Variants in PKD1L1 observed in about 807,000 individuals in gnomAD.
PKD1L1 encodes the protein polycystin-1-like protein 1.
A neutral mutation model predicts 323.4 loss-of-function variants in PKD1L1; 236 were observed. The ratio of observed to expected loss-of-function variants is 0.73; its 90% CI spans 0.66 to 0.81. The LOEUF is 0.81. Among genes scored for constraint, PKD1L1 ranks in the 40% least tolerant of loss-of-function variants. PKD1L1 has a pLI of 0.00. For synonymous variants in PKD1L1, 1,344 were observed against 1,335.0 expected (o/e 1.01, Z -0.15); for missense variants, 3,320 against 3,508.0 (o/e 0.95, Z 1.35).
rs1177055370 is a variant in PKD1L1, at chr7:47,864,633, TTTCC to T, written c.4149+579_4149+582del. 5.4e-3 allele frequency among the ~76,000 whole-genome samples: 620 copies of T among 114,714 alleles called. 8 individuals carry two copies. The highest frequency in any genetic ancestry group is 0.019 in the African/African-American group (526 of 28,178). The allele number at this position is 114,714 out of a possible 152,430, so 75.3% of individuals were successfully genotyped here. A position where few individuals can be genotyped will look rare whatever the true frequency, so the allele number is the denominator to read the frequency against. ...CTTTCTTTCTTTCTTTCTTTCTTTC[TTTCC>T]TTCCTTCCTTCCTTCCTCCCTCTCT... On this transcript the variant is annotated intron_variant, in intron 26 of 56. Transcript: ENST00000289672.
intron 26 of PKD1L1, among the ~76,000 whole-genome samples, chr7:47,861,361 C>A (rs371103714): frequency 2.0e-5 from 3 of 152,202 alleles, no homozygotes; most frequent in African/African-American, 7.2e-5. Flanking sequence ...TGCCTTCAGA[C>A]CTTTGTGAAG....
chr7:47,906,034 T>A, intron 9 of PKD1L1, 72 bp from the exon 10 acceptor site: 1 of 1,344,920 alleles, frequency 7.4e-7, no homozygotes, highest in Non-Finnish European at 9.9e-7. Context: ...CAACACACAG[T>A]CAGTATTTTT....
At chr7:47,955,717 T>C in the PKD1L1 span, among the ~76,000 whole-genome samples, 23 of 152,344 alleles carry the variant, frequency 1.5e-4, no homozygotes, top group Non-Finnish European at 2.6e-4. Context: ...TTGTGTAAAT[T>C]CCTATAAGTA....
intron 15 of PKD1L1, among the ~76,000 whole-genome samples, chr7:47,891,322 A>G (rs1254493412): frequency 6.6e-6 from 1 of 152,138 alleles, no homozygotes; most frequent in Non-Finnish European, 1.5e-5. Flanking sequence ...GCCACACCCA[A>G]CAAGATAAAC....
chr7:47,808,125 T>C (rs1368599692), intron 52 of PKD1L1, 122 bp downstream of exon 52: 2 of 1,260,684 alleles, frequency 1.6e-6, no homozygotes, highest in Admixed American at 2.2e-5. Context: ...GCTCAGAGCA[T>C]CATCTCTCGA....
chr7:47,864,556 CTTCT>C (rs555116730), intron 26 of PKD1L1, among the ~76,000 whole-genome samples: 100 of 151,070 alleles, frequency 6.6e-4, no homozygotes, highest in Middle Eastern at 3.4e-3. Context: ...TCCTTTCTTC[CTTCT>C]TTTTCTTTTT....
In PKD1L1 at chr7:47,812,052, C is replaced by G. The variant is rs1334810051; in HGVS notation, c.7347-1G>C. On this transcript the variant is annotated splice_acceptor_variant, in intron 49 of 56. Coordinates refer to ENST00000289672, the MANE Select transcript of PKD1L1 (RefSeq NM_138295.5). LOFTEE classifies it high-confidence loss of function. ...GGACAGGGCTGTGTGGGCTTCAGTC[C>G]TGTAAAACAGCACACACTGGGGTAG... 1.9e-6 allele frequency: 3 copies of G among 1,556,744 alleles called. No homozygotes were observed. Among genetic ancestry groups the G allele is most frequent in the Non-Finnish European group, 2.6e-6 (3 of 1,150,088 alleles).
rs140694636 is a variant in PKD1L1 at position 47,943,396 on chromosome 7, C to T, written c.160G>A (p.Glu54Lys). The T allele has an allele frequency of 1.1e-5, 18 of 1,611,974 alleles. No homozygotes were observed. Among genetic ancestry groups the T allele is most frequent in the African/African-American group, 6.7e-5 (5 of 74,794 alleles). ...CSPPGGGLWVEVYANHVLLMS... is the reference protein window; with the variant it reads ...CSPPGGGLWVKVYANHVLLMS... ...CATGCCTCCTTCCCCAAGGCCTTAC[C>T]GACCCACAATCCACCTCCAGGAGGG... is the stretch of plus-strand genomic sequence containing the variant. The change falls in exon 2 of 57, where the codon GAG (glutamate) becomes AAG (lysine). Residue 54 changes from glutamate to lysine, a missense_variant and splice_region_variant. By Grantham distance (56) the Glu-to-Lys change is moderately conservative. Transcript: ENST00000289672.
intron 32 of PKD1L1, among the ~76,000 whole-genome samples, 166 bp from the exon 33 acceptor site, chr7:47,845,244 A>C (rs1379477510): frequency 1.3e-5 from 2 of 152,244 alleles, no homozygotes; most frequent in Non-Finnish European, 2.9e-5. Context: ...CTAAGTTAGA[A>C]ATGAGGGACA....
intron 45 of PKD1L1, among the ~76,000 whole-genome samples, chr7:47,822,074 A>T (rs887207055): frequency 6.6e-6 from 1 of 152,150 alleles, no homozygotes; most frequent in Non-Finnish European, 1.5e-5. Context: ...ATATTTGGGT[A>T]AGTCTATTCC....
intron 26 of PKD1L1, among the ~76,000 whole-genome samples, chr7:47,863,507 G>A (rs984472230): frequency 2.0e-5 from 3 of 152,062 alleles, no homozygotes; most frequent in African/African-American, 7.2e-5. Flanking sequence ...GATGGGAAGA[G>A]CCAACAGGGG....
chr7:47,917,352 T>C (rs1583671939), intron 7 of PKD1L1, among the ~76,000 whole-genome samples: 1 of 152,164 alleles, frequency 6.6e-6, no homozygotes, highest in Admixed American at 6.5e-5. Flanking sequence ...AACCTAAGAA[T>C]AATCAGTGTT....
chr7:47,783,726 C>A (rs1189141771), intron 56 of PKD1L1, among the ~76,000 whole-genome samples: 1 of 152,198 alleles, frequency 6.6e-6, no homozygotes, highest in East Asian at 1.9e-4. Context: ...TTCACCAGGG[C>A]CTTCAGAGGG....
Position 47,839,431 on chromosome 7 carries a change from C to A in PKD1L1, c.5769+15G>T. The A allele has an allele frequency of 6.3e-7, 1 of 1,594,356 alleles. No individual in the cohort carries two copies. On this transcript the variant is annotated intron_variant, in intron 36 of 56. Coordinates refer to ENST00000289672, the MANE Select transcript of PKD1L1 (RefSeq NM_138295.5). The surrounding 1 kb of genome is among the most constrained non-coding windows in gnomAD (Gnocchi z 4.3). ...AGCCAGGTGCGCCACGAGAGGCCAC[C>A]TGGAGGGAGCCTACCTTCCGGAAGC...
At chr7:47,895,099 T>C (rs1786908199) in intron 14 of PKD1L1, among the ~76,000 whole-genome samples, 1 of 152,112 alleles carries the variant, frequency 6.6e-6, no homozygotes. Context: ...ATTCCAAGTA[T>C]ATACAAAGGC....
At chr7:47,865,114 G>T in intron 26 of PKD1L1, 102 bp downstream of exon 26, 1 of 787,724 alleles carries the variant, frequency 1.3e-6, no homozygotes, top group Non-Finnish European at 2.1e-6. Flanking sequence ...TCTAATCTAA[G>T]TGTCAAACTA....
intron 7 of PKD1L1, among the ~76,000 whole-genome samples, chr7:47,925,188 C>T (rs1220874470): frequency 6.6e-6 from 1 of 151,160 alleles, no homozygotes; most frequent in East Asian, 1.9e-4. Context: ...AATAAAATAT[C>T]ATACAAGAAA....
At chr7:47,848,027 T>C (rs1188212952) in intron 31 of PKD1L1, among the ~76,000 whole-genome samples, 3 of 152,204 alleles carry the variant, frequency 2.0e-5, no homozygotes, top group Non-Finnish European at 4.4e-5. Flanking sequence ...ACTTAATTCA[T>C]ATAAAATGCA....
intron 45 of PKD1L1, among the ~76,000 whole-genome samples, 194 bp from the exon 46 acceptor site, chr7:47,821,380 T>C (rs955464572): frequency 3.3e-5 from 5 of 152,062 alleles, no homozygotes; most frequent in Non-Finnish European, 7.4e-5. Context: ...GCGATTCTCC[T>C]GTCTCAGCCT....
Sources: allele counts gnomAD v4.1 joint callset (sites outside exome capture counted in the v4.1 genomes callset), GRCh38; gene constraint gnomAD v4.1.1; non-coding constraint Gnocchi (gnomAD v3.1); transcripts MANE v1.5; gene names NCBI Gene and HGNC (gene_info 2026-07-23, HGNC 2026-07-21).